Variants in ATP6V0A4 observed in about 807,000 individuals in gnomAD.
ATP6V0A4 encodes the protein ATPase H+ transporting V0 subunit a4.
Under a neutral mutation model 107.3 loss-of-function variants are expected in ATP6V0A4, and 86 were observed. That is an observed-to-expected ratio of 0.80 (90% CI 0.67 to 0.96). The LOEUF (loss-of-function observed/expected upper bound fraction) is 0.96, where lower values mean the gene tolerates loss of function less well. Ranked by LOEUF, ATP6V0A4 falls within the 40% of genes least tolerant of loss-of-function variation. ATP6V0A4 has a pLI of 0.00. For missense variants in ATP6V0A4, 908 were observed against 1,045.6 expected, an observed-to-expected ratio of 0.87 and a Z score of 1.81; for synonymous variants, 353 against 381.4, an observed-to-expected ratio of 0.93 and a Z score of 0.87.
At chr7:138,745,962 A>T (rs372507606) in intron 13 of ATP6V0A4, among the ~76,000 whole-genome samples, 16,601 of 60,018 alleles carry the variant, frequency 0.28, 2,775 homozygotes, top group East Asian at 0.52. Flanking sequence ...AAAAAAAAAA[A>T]ATATATATAT....
intron 18 of ATP6V0A4, among the ~76,000 whole-genome samples, chr7:138,726,146 C>T (rs1316974417): frequency 7.9e-5 from 12 of 152,184 alleles, no homozygotes; most frequent in South Asian, 2.1e-4. Flanking sequence ...CCCGCCACCA[C>T]GCCCGGCTAA....
rs76297105 is a variant in ATP6V0A4 at position 138,730,752 on chromosome 7, G to A, written c.1909-1890C>T. The stretch of plus-strand genomic sequence containing the variant: ...CCAAATAAATGTTTGTTTAGATCCA[G>A]CACTGAGTAAATGAACCTTCAAAAT... On this transcript the variant is annotated intron_variant, in intron 17 of 21. Transcript: ENST00000310018. Among the ~76,000 whole-genome samples the A allele has an allele frequency of 6.8e-4, 104 of 152,156 alleles. 1 individual carries two copies. Among genetic ancestry groups the A allele is most frequent in the Admixed American group, 4.8e-3 (73 of 15,266 alleles).
chr7:138,724,770 C>T (rs1443905324), intron 18 of ATP6V0A4, among the ~76,000 whole-genome samples: 1 of 152,158 alleles, frequency 6.6e-6, no homozygotes, highest in African/African-American at 2.4e-5. Flanking sequence ...AAACTCTACC[C>T]TTTTCTGCTC....
At position 138,763,005 on chromosome 7, in the gene ATP6V0A4, T is replaced by G; in HGVS notation, c.312A>C (p.Glu104Asp). 6.2e-7 allele frequency: 1 copy of G among 1,614,120 alleles called. No homozygotes were observed. Among genetic ancestry groups the G allele is most frequent in the Non-Finnish European group, 8.5e-7 (1 of 1,180,034 alleles). The change falls in exon 6 of 22, where the codon GAA becomes GAC. Residue 104 changes from glutamate to aspartate, a missense_variant. Glu to Asp is a conservative substitution (Grantham distance 45). Coordinates refer to ENST00000310018, the MANE Select transcript of ATP6V0A4 (RefSeq NM_020632.3). ...TCTGGTTGGCTTCCTGTAACTCTCC[T>G]TCCAGTTTTTCTAGAACAGTCTATG... ...ITLETVLEKLEGELQEANQNQ... is the reference protein window; with the variant it reads ...ITLETVLEKLDGELQEANQNQ...
At chr7:138,751,312 C>T (rs1051540351) in intron 11 of ATP6V0A4, among the ~76,000 whole-genome samples, 19 of 152,210 alleles carry the variant, frequency 1.2e-4, no homozygotes, top group African/African-American at 4.6e-4. Context: ...CGAGGGCAAG[C>T]CCTGTGTGGC....
intron 12 of ATP6V0A4, among the ~76,000 whole-genome samples, chr7:138,748,639 T>A (rs1263076301): frequency 6.6e-6 from 1 of 152,094 alleles, no homozygotes; most frequent in African/African-American, 2.4e-5. Flanking sequence ...ACTCCTGACC[T>A]CAAGCGATCC....
chr7:138,751,451 G>T (rs1806220570), intron 11 of ATP6V0A4, among the ~76,000 whole-genome samples: 1 of 151,802 alleles, frequency 6.6e-6, no homozygotes, highest in South Asian at 2.1e-4. Flanking sequence ...GCAGGAGGGG[G>T]TCCCTCCTTC....
At chr7:138,784,370 G>T (rs1487731447) in intron 2 of ATP6V0A4, among the ~76,000 whole-genome samples, 2 of 148,118 alleles carry the variant, frequency 1.4e-5, no homozygotes, top group Admixed American at 6.8e-5. Flanking sequence ...ATAGGCTGGG[G>T]TGCAGTGGCG....
Position 138,767,391 on chromosome 7 carries a change from C to T in ATP6V0A4, c.291+1389G>A, listed in dbSNP as rs564225082. ...TACAAAAATTAGCTGGGCGTGGTGG[C>T]GCATGCCTGTAATCCCAGCTACTTG... On this transcript the variant is annotated intron_variant, in intron 5 of 21. Coordinates refer to ENST00000310018, the MANE Select transcript of ATP6V0A4 (RefSeq NM_020632.3). Among the ~76,000 whole-genome samples, 11 of 152,114 alleles carry T rather than the reference C, an allele frequency of 7.2e-5. No homozygotes were observed. In the East Asian group the frequency reaches 1.5e-3, roughly 21 times the overall value.
intron 5 of ATP6V0A4, among the ~76,000 whole-genome samples, chr7:138,767,183 T>C (rs1807133027): frequency 6.6e-6 from 1 of 152,244 alleles, no homozygotes; most frequent in South Asian, 2.1e-4. Flanking sequence ...AATTAATACA[T>C]AAATATTTTA....
In ATP6V0A4 at chr7:138,756,527, T is replaced by G; in HGVS notation, c.653A>C (p.Gln218Pro). The change falls in exon 9 of 22, where the codon CAG becomes CCG. Residue 218 changes from glutamine (Q) to proline (P), a missense_variant. By Grantham distance (76) the Gln-to-Pro change is moderately conservative. Transcript: ENST00000310018. Reference protein sequence around the residue: ...LEDPVTKEEIQKNIFIIFYQG... With the variant: ...LEDPVTKEEIPKNIFIIFYQG... The stretch of plus-strand genomic sequence containing the variant: ...GTAAAATATGATGAATATGTTCTTC[T>G]GAATTTCTTCTTTCTGGAAAATCAG... 1 of 1,611,008 alleles carries G rather than the reference T, an allele frequency of 6.2e-7. No individual in the cohort carries two copies. Among genetic ancestry groups the G allele is most frequent in the Non-Finnish European group, 8.5e-7 (1 of 1,179,026 alleles).
intron 10 of ATP6V0A4, 81 bp downstream of exon 10, chr7:138,755,608 G>C (rs547019389): frequency 1.4e-5 from 22 of 1,581,808 alleles, no homozygotes; most frequent in Admixed American, 1.2e-4. Context: ...AAGGGCCCTG[G>C]GGGGCAGGGC....
At chr7:138,762,271 G>GTGCA (rs1480834573) in intron 7 of ATP6V0A4, 69 bp downstream of exon 7, 1 of 1,556,994 alleles carries the variant, frequency 6.4e-7, no homozygotes, top group Admixed American at 1.7e-5. Flanking sequence ...TTGTTCACCC[G>GTGCA]TTCATTCACT....
At chr7:138,790,545 T>G (rs1808363944) in intron 1 of ATP6V0A4, among the ~76,000 whole-genome samples, 1 of 152,218 alleles carries the variant, frequency 6.6e-6, no homozygotes, top group South Asian at 2.1e-4. Context: ...TCAGCCCACC[T>G]TGGCCTTCCA....
At chr7:138,755,874 T>C in intron 9 of ATP6V0A4, 92 bp from the exon 10 acceptor site, 1 of 1,553,282 alleles carries the variant, frequency 6.4e-7, no homozygotes, top group Non-Finnish European at 8.7e-7. Flanking sequence ...TTGCTGACTT[T>C]AGTTAGATGG....
At chr7:138,762,276 T>C (rs1377273471) in intron 7 of ATP6V0A4, 64 bp downstream of exon 7, 46 of 1,568,658 alleles carry the variant, frequency 2.9e-5, no homozygotes, top group Non-Finnish European at 3.4e-5. Flanking sequence ...CACCCGTTCA[T>C]TCACTCACTC....
At chr7:138,730,931 C>CTTCTTTTTTTTTTTTTTTT (rs1554392929) in intron 17 of ATP6V0A4, among the ~76,000 whole-genome samples, 1 of 123,758 alleles carries the variant, frequency 8.1e-6, no homozygotes, top group African/African-American at 3.1e-5. Flanking sequence ...TCTTCTTCTT[C>CTTCTTTTTTTTTTTTTTTT]TTTTTTTATT....
chr7:138,777,784 G>A (rs1807737451), intron 2 of ATP6V0A4, among the ~76,000 whole-genome samples: 1 of 152,118 alleles, frequency 6.6e-6, no homozygotes, highest in Non-Finnish European at 1.5e-5. Context: ...GACTGTGAAA[G>A]CTGGACAGAA....
chr7:138,723,153 C>A (rs939524695), intron 18 of ATP6V0A4, among the ~76,000 whole-genome samples: 18 of 152,132 alleles, frequency 1.2e-4, no homozygotes, highest in Admixed American at 7.9e-4. Flanking sequence ...TGCCTGACTC[C>A]AGTGCATGTG....
Sources: gnomAD v4.1 joint callset for allele counts (sites outside exome capture counted in the v4.1 genomes callset) on GRCh38, gnomAD v4.1.1 for gene constraint, MANE v1.5 for transcripts, NCBI Gene and HGNC (gene_info 2026-07-23, HGNC 2026-07-21) for gene names.